Variants in NFYC observed in about 807,000 individuals in gnomAD.
NFYC encodes CAAT box DNA-binding protein subunit C.
Under a neutral mutation model 53.1 loss-of-function variants are expected in NFYC, and 25 were observed. The observed-to-expected ratio is 0.47, with a 90% confidence interval of 0.34 to 0.66. The LOEUF is 0.66. Ranked by LOEUF, NFYC falls within the 30% of genes least tolerant of loss-of-function variation. The pLI is 0.01. For synonymous variants in NFYC, 145 were observed against 152.6 expected, an observed-to-expected ratio of 0.95 and a Z score of 0.37; for missense variants, 260 against 422.7, an observed-to-expected ratio of 0.62 and a Z score of 3.38.
At chr1:40,705,827 G>GC (rs749573883) in intron 1 of NFYC, among the ~76,000 whole-genome samples, 30 of 152,226 alleles carry the variant, frequency 2.0e-4, no homozygotes, top group Middle Eastern at 6.8e-3. Flanking sequence ...GCTCATTGCA[G>GC]CCTTGACCTC....
intron 2 of NFYC, among the ~76,000 whole-genome samples, 174 bp from the exon 3 acceptor site, chr1:40,747,360 T>G (rs1431279345): frequency 6.6e-6 from 1 of 152,200 alleles, no homozygotes; most frequent in South Asian, 2.1e-4. Context: ...ATATGTTAAG[T>G]AAAGAAGAAT....
rs573258862 is a variant in NFYC at position 40,750,883 on chromosome 1, A to G, written c.291+1197A>G. On this transcript the variant is annotated intron_variant, in intron 4 of 9. Coordinates refer to ENST00000447388, the MANE Select transcript of NFYC (RefSeq NM_014223.5). ...ACACCCACTAGAATACCTAAAATAAAAAAGACTGACAATACCACAGTTGGT... is the reference window on the plus strand; with the variant it reads ...ACACCCACTAGAATACCTAAAATAAGAAAGACTGACAATACCACAGTTGGT... 1.8e-4 allele frequency among the ~76,000 whole-genome samples: 27 copies of G among 152,354 alleles called. 1 individual carries two copies. In the South Asian group the frequency reaches 2.7e-3, roughly 15 times the overall value.
At chr1:40,714,824 T>TAATC (rs994801814) in intron 1 of NFYC, among the ~76,000 whole-genome samples, 4 of 152,148 alleles carry the variant, frequency 2.6e-5, no homozygotes, top group African/African-American at 9.7e-5. Context: ...CTCACGCCTG[T>TAATC]AATCCCAGCA....
chr1:40,749,637 C>T lies in NFYC; in HGVS notation c.242C>T (p.Thr81Ile). ...KAAQIFITEL[T>I]LRAWIHTEDN... ...GCCCAGATTTTTATCACAGAGTTGA[C>T]TCTTCGAGCCTGGATTCACACAGAA... Residue 81 changes from threonine to isoleucine, a missense_variant, in exon 4 of 10, where the codon ACT becomes ATT. Transcript: ENST00000447388. 5 of 1,614,174 alleles carry T rather than the reference C, an allele frequency of 3.1e-6. No homozygotes were observed. The highest frequency in any genetic ancestry group is 4.2e-6 in the Non-Finnish European group (5 of 1,180,014).
At chr1:40,709,633 G>T (rs1013692440) in intron 1 of NFYC, 5 of 152,174 alleles carry the variant, frequency 3.3e-5, no homozygotes, top group African/African-American at 1.2e-4. Flanking sequence ...TTAATTCTTT[G>T]TTTTGTGTTG....
chr1:40,770,952 C>A lies in NFYC; in HGVS notation c.*124C>A. The A allele has an allele frequency of 1.1e-6, 1 of 945,318 alleles. No homozygotes were observed. The highest frequency in any genetic ancestry group is 1.6e-6 in the Non-Finnish European group (1 of 617,160). 58.6% of individuals were successfully genotyped at this position (945,318 alleles called of 1,614,324 possible). ...TCAGCGCCTCCTGCAGGCTAGGACA[C>A]TGGTGCACTACACCCCATGCCTGGG... On this transcript the variant is annotated 3_prime_UTR_variant, in exon 10 of 10. Coordinates refer to ENST00000447388, the MANE Select transcript of NFYC (RefSeq NM_014223.5). The surrounding 1 kb of genome is among the most constrained non-coding windows in gnomAD (Gnocchi z 5.3).
At chr1:40,694,313 T>G (rs1643006247) in intron 1 of NFYC, among the ~76,000 whole-genome samples, 2 of 152,208 alleles carry the variant, frequency 1.3e-5, no homozygotes, top group Admixed American at 6.5e-5. Context: ...TAAGACTGGA[T>G]AGGACAAAAT....
At position 40,691,791 on chromosome 1, in the gene NFYC, G is replaced by C. The variant is rs868451283; in HGVS notation, c.-85G>C. 3 of 452,110 alleles carry C rather than the reference G, an allele frequency of 6.6e-6. No individual in the cohort carries two copies. The East Asian group carries it at 2.2e-4, about 33-fold the overall frequency. 28.0% of individuals were successfully genotyped at this position (452,110 alleles called of 1,614,324 possible). ...CGCACACTTCCCCCTCCCCTCCGCC[G>C]CGCCTGGGCCTCTGCATTGCCCGAC... On this transcript the variant is annotated 5_prime_UTR_variant, in exon 1 of 10. Coordinates refer to ENST00000447388, the MANE Select transcript of NFYC (RefSeq NM_014223.5).
chr1:40,753,292 T>C, intron 5 of NFYC, 46 bp downstream of exon 5: 2 of 1,289,608 alleles, frequency 1.6e-6, no homozygotes, highest in East Asian at 2.3e-5. Flanking sequence ...AAGAGCGCTT[T>C]GTATACTGGT....
At chr1:40,755,159 G>A (rs1221718711) in intron 5 of NFYC, among the ~76,000 whole-genome samples, 1 of 152,198 alleles carries the variant, frequency 6.6e-6, no homozygotes, top group Non-Finnish European at 1.5e-5. Context: ...TGCTACTAAA[G>A]CGAATGTACT....
intron 1 of NFYC, among the ~76,000 whole-genome samples, chr1:40,718,131 C>T (rs1404438503): frequency 6.6e-6 from 1 of 152,086 alleles, no homozygotes; most frequent in African/African-American, 2.4e-5. Flanking sequence ...ATTCATTGGC[C>T]AGATGCCCAT....
chr1:40,752,643 T>G (rs565079765), intron 4 of NFYC, among the ~76,000 whole-genome samples: 2 of 152,268 alleles, frequency 1.3e-5, no homozygotes, highest in East Asian at 3.9e-4. Flanking sequence ...TATTGCAATT[T>G]AGAATTCCCA....
At chr1:40,757,794 G>A (rs1421385375) in intron 5 of NFYC, among the ~76,000 whole-genome samples, 1 of 152,226 alleles carries the variant, frequency 6.6e-6, no homozygotes, top group African/African-American at 2.4e-5. Context: ...CACAGGCCTT[G>A]ACAGCATTTA....
Position 40,730,385 on chromosome 1 carries a change from C to T in NFYC, c.-8-8451C>T, listed in dbSNP as rs182157940. 3.9e-5 allele frequency among the ~76,000 whole-genome samples: 6 copies of T among 152,008 alleles called. No homozygotes were observed. In the East Asian group the frequency reaches 9.7e-4, roughly 25 times the overall value. On this transcript the variant is annotated intron_variant, in intron 1 of 9. Transcript: ENST00000447388. ...ATGTGAGACTGTTCTTTTACTTGAA[C>T]GCTTAGAGGCCGTTGTAGGGTTATT... is the stretch of plus-strand genomic sequence containing the variant.
intron 6 of NFYC, among the ~76,000 whole-genome samples, chr1:40,759,777 C>T (rs1646444380): frequency 1.3e-5 from 2 of 151,986 alleles, no homozygotes; most frequent in South Asian, 2.1e-4. Flanking sequence ...GGGCACAGCA[C>T]AGGCAAAGGC....
chr1:40,716,950 G>A (rs1289232390), intron 1 of NFYC, among the ~76,000 whole-genome samples: 2 of 152,088 alleles, frequency 1.3e-5, no homozygotes, highest in Non-Finnish European at 2.9e-5. Flanking sequence ...CAGAAATTTA[G>A]GAAGAGCAAG....
At position 40,766,692 on chromosome 1, in the gene NFYC, A is replaced by G; in HGVS notation, c.817A>G (p.Asn273Asp). The change falls in exon 8 of 10, where the codon AAT (asparagine) becomes GAT (aspartate). Residue 273 changes from asparagine (N) to aspartate (D), a missense_variant. Asn to Asp is a conservative substitution (Grantham distance 23). Coordinates refer to ENST00000447388, the MANE Select transcript of NFYC (RefSeq NM_014223.5). ...VQGQIQTLAT[N>D]AQQITQTEVQ... is the part of the protein sequence containing the mutation. ...GGGACAGATCCAGACACTTGCCACC[A>G]ATGCTCAACAGGTATGTGCCCCAGA... 6.2e-7 allele frequency: 1 copy of G among 1,613,930 alleles called. No homozygotes were observed. The highest frequency in any genetic ancestry group is 1.1e-5 in the South Asian group (1 of 91,064).
At position 40,770,969 on chromosome 1, in the gene NFYC, A is replaced by C. The variant is rs1219759160; in HGVS notation, c.*141A>C. 3 of 795,778 alleles carry C rather than the reference A, an allele frequency of 3.8e-6. No individual in the cohort carries two copies. Among genetic ancestry groups the C allele is most frequent in the Non-Finnish European group, 6.0e-6 (3 of 499,952 alleles). The allele number at this position is 795,778 out of a possible 1,614,324, so 49.3% of individuals were successfully genotyped here. A position where few individuals can be genotyped will look rare whatever the true frequency, so the allele number is the denominator to read the frequency against. ...CTAGGACACTGGTGCACTACACCCC[A>C]TGCCTGGGGGCCGAGATTCTCCAGC... On this transcript the variant is annotated 3_prime_UTR_variant, in exon 10 of 10. Transcript: ENST00000447388. This position sits in a 1 kb window ranked among gnomAD's most constrained non-coding sequence, Gnocchi z 5.3.
intron 1 of NFYC, among the ~76,000 whole-genome samples, chr1:40,729,652 A>T (rs1388798353): frequency 6.7e-6 from 1 of 149,934 alleles, no homozygotes; most frequent in African/African-American, 2.4e-5. Context: ...TTGGTGCAAG[A>T]GGCCTAGCTC....
Sources: allele counts gnomAD v4.1 joint callset (sites outside exome capture counted in the v4.1 genomes callset), GRCh38; gene constraint gnomAD v4.1.1; non-coding constraint Gnocchi (gnomAD v3.1); transcripts MANE v1.5; gene names NCBI Gene and HGNC (gene_info 2026-07-23, HGNC 2026-07-21).